The following ENTPD1 variants were observed in gnomAD, a reference collection of about 807,000 sequenced individuals.
ENTPD1 encodes the protein ectonucleoside triphosphate diphosphohydrolase 1, also known as ATP diphosphohydrolase.
Under a neutral mutation model 57.0 loss-of-function variants are expected in ENTPD1, and 33 were observed. That is an observed-to-expected ratio of 0.58 (90% CI 0.44 to 0.77). The LOEUF is 0.77. Ranked by LOEUF, ENTPD1 falls within the 30% of genes least tolerant of loss-of-function variation. The pLI is 0.00. For synonymous variants in ENTPD1, 202 were observed against 218.8 expected (o/e 0.92, Z 0.68); for missense variants, 501 against 603.4 (o/e 0.83, Z 1.78).
chr10:95,718,454 T>C (rs1331310382), intron 1 of ENTPD1, among the ~76,000 whole-genome samples: 1 of 152,120 alleles, frequency 6.6e-6, no homozygotes, highest in Non-Finnish European at 1.5e-5. Flanking sequence ...TCCTTTCTGG[T>C]GACCCCAGCA....
At chr10:95,828,441 G>A (rs865873670) in intron 2 of ENTPD1, among the ~76,000 whole-genome samples, 47 of 152,194 alleles carry the variant, frequency 3.1e-4, no homozygotes, top group African/African-American at 1.1e-3. Flanking sequence ...AAATAAGGTA[G>A]TTCACAATAA....
intron 1 of ENTPD1, among the ~76,000 whole-genome samples, chr10:95,814,053 C>T (rs892071213): frequency 6.6e-5 from 10 of 152,222 alleles, no homozygotes; most frequent in African/African-American, 2.2e-4. Flanking sequence ...GAAGAAGACT[C>T]GTTTAGTGGA....
intron 1 of ENTPD1, among the ~76,000 whole-genome samples, chr10:95,747,486 G>T (rs1317410941): frequency 1.3e-5 from 2 of 152,126 alleles, no homozygotes; most frequent in Non-Finnish European, 2.9e-5. Flanking sequence ...ACAATATAGA[G>T]AACAGAATGC....
At chr10:95,840,398 G>C (rs2098419960) in intron 3 of ENTPD1, among the ~76,000 whole-genome samples, 1 of 152,214 alleles carries the variant, frequency 6.6e-6, no homozygotes, top group Non-Finnish European at 1.5e-5. Flanking sequence ...ATGCTAATCT[G>C]TCTGGTTCAG....
chr10:95,823,317 C>T lies in ENTPD1; in HGVS notation c.97C>T (p.Leu33Phe). The change falls in exon 2 of 10, where the codon CTT (leucine) becomes TTT (phenylalanine). Residue 33 changes from leucine to phenylalanine, a missense_variant. Coordinates refer to ENST00000371205, the MANE Select transcript of ENTPD1 (RefSeq NM_001776.6). ...CTCTATCATAGCTGTGATAGCTTTG[C>T]TTGCTGTGGGGTTGACCCAGAACAA... ...FSSIIAVIAL[L>F]AVGLTQNKAL... The T allele has an allele frequency of 1.9e-6, 3 of 1,614,146 alleles. No individual in the cohort carries two copies. Among genetic ancestry groups the T allele is most frequent in the Non-Finnish European group, 2.5e-6 (3 of 1,179,998 alleles).
intron 9 of ENTPD1, among the ~76,000 whole-genome samples, chr10:95,865,332 C>G (rs1301274908): frequency 6.6e-6 from 1 of 152,134 alleles, no homozygotes; most frequent in African/African-American, 2.4e-5. Context: ...AATGATGAGA[C>G]CGTTGTTTAG....
chr10:95,842,987 A>T (rs2098425666), intron 4 of ENTPD1, among the ~76,000 whole-genome samples: 1 of 152,236 alleles, frequency 6.6e-6, no homozygotes, highest in African/African-American at 2.4e-5. Flanking sequence ...CCTCAAGGAA[A>T]TCAGTTTCAA....
upstream of ENTPD1, among the ~76,000 whole-genome samples, chr10:95,752,040 A>G (rs571036381): frequency 2.6e-5 from 4 of 152,340 alleles, no homozygotes; most frequent in South Asian, 8.3e-4. Context: ...AAAATCAGAC[A>G]TGAGGGGGGT....
Position 95,824,317 on chromosome 10 carries a change from T to C in ENTPD1, c.144+953T>C, listed in dbSNP as rs114187090. Among the ~76,000 whole-genome samples, 789 of 152,318 alleles carry C rather than the reference T, an allele frequency of 5.2e-3. 7 individuals carry two copies. Among genetic ancestry groups the C allele is most frequent in the African/African-American group, 0.017 (727 of 41,552 alleles). ...AATACATGTGTAGAAGTATATTCTCTTGTATTTGAAGATGTTGAACTGGGA... is the reference window on the plus strand; with the variant it reads ...AATACATGTGTAGAAGTATATTCTCCTGTATTTGAAGATGTTGAACTGGGA... On this transcript the variant is annotated intron_variant, in intron 2 of 9. Transcript: ENST00000371205.
At chr10:95,734,960 G>C (rs905217553) in intron 1 of ENTPD1, among the ~76,000 whole-genome samples, 5 of 151,944 alleles carry the variant, frequency 3.3e-5, no homozygotes, top group Non-Finnish European at 7.4e-5. Flanking sequence ...TGGGTGGGTA[G>C]GGTTACAGGC....
At chr10:95,842,242 T>G (rs906365863) in intron 3 of ENTPD1, 102 bp from the exon 4 acceptor site, 1 of 1,081,326 alleles carries the variant, frequency 9.2e-7, no homozygotes, top group Non-Finnish European at 1.4e-6. Flanking sequence ...GGAAATTGTT[T>G]TCTTGTATTT....
At chr10:95,699,938 C>T in the ENTPD1 span, among the ~76,000 whole-genome samples, 53,883 of 151,752 alleles carry the variant, frequency 0.36, 10,165 homozygotes, top group East Asian at 0.7. Flanking sequence ...CCAGAACTAG[C>T]GATAGCAAGT....
At chr10:95,839,901 C>T in intron 3 of ENTPD1, 93 bp downstream of exon 3, 1 of 1,266,184 alleles carries the variant, frequency 7.9e-7, no homozygotes, top group East Asian at 2.3e-5. Flanking sequence ...AAAAGGAGTC[C>T]CACGCATAGG....
chr10:95,794,373 G>A (rs1006923095), intron 1 of ENTPD1, among the ~76,000 whole-genome samples: 13 of 152,150 alleles, frequency 8.5e-5, no homozygotes, highest in Non-Finnish European at 1.8e-4. Context: ...ACACTGCTGA[G>A]TGCTCAGCAC....
chr10:95,822,406 C>T (rs925666280), intron 1 of ENTPD1, among the ~76,000 whole-genome samples: 1 of 152,138 alleles, frequency 6.6e-6, no homozygotes, highest in African/African-American at 2.4e-5. Flanking sequence ...AAGCGATTCT[C>T]CTGCCTCAGC....
upstream of ENTPD1, among the ~76,000 whole-genome samples, chr10:95,708,223 T>A (rs56075148): frequency 0.038 from 1,388 of 36,820 alleles, 26 homozygotes; most frequent in Admixed American, 0.15. Flanking sequence ...ATTTTATTTT[T>A]TTTTTTTTTG....
chr10:95,815,813 GC>G (rs1333393411), intron 1 of ENTPD1, among the ~76,000 whole-genome samples: 7 of 152,180 alleles, frequency 4.6e-5, no homozygotes, highest in Non-Finnish European at 7.3e-5. Context: ...TATTGAAAAG[GC>G]TTTAGAACAG....
intron 1 of ENTPD1, among the ~76,000 whole-genome samples, chr10:95,738,979 G>T (rs1295694748): frequency 6.7e-6 from 1 of 148,398 alleles, no homozygotes; most frequent in Non-Finnish European, 1.5e-5. Flanking sequence ...CAAATTTTTT[G>T]GTTTCCCAGG....
chr10:95,839,325 T>C (rs1432978980), intron 2 of ENTPD1: 2 of 306,606 alleles, frequency 6.5e-6, no homozygotes, highest in African/African-American at 4.3e-5. Flanking sequence ...GTAGACAAGT[T>C]TGGGGACTAT....
Sources: gnomAD v4.1 joint callset for allele counts (sites outside exome capture counted in the v4.1 genomes callset) on GRCh38, gnomAD v4.1.1 for gene constraint, MANE v1.5 for transcripts, NCBI Gene and HGNC (gene_info 2026-07-23, HGNC 2026-07-21) for gene names.